STAM: variants seen among roughly 807,000 people sequenced by gnomAD.
STAM encodes signal transducing adapter molecule 1.
Under a neutral mutation model 63.4 loss-of-function variants are expected in STAM, and 16 were observed. The ratio of observed to expected loss-of-function variants is 0.25; its 90% CI spans 0.17 to 0.38. The LOEUF is 0.38. STAM is among the 10% of genes least tolerant of loss of function. The pLI is 1.00. For missense variants in STAM, 636 were observed against 657.1 expected, an observed-to-expected ratio of 0.97 and a Z score of 0.35; for synonymous variants, 238 against 223.9, an observed-to-expected ratio of 1.06 and a Z score of -0.56.
At chr10:17,662,701 TG>T (rs1589037952) in intron 2 of STAM, among the ~76,000 whole-genome samples, 2 of 152,212 alleles carry the variant, frequency 1.3e-5, no homozygotes, top group South Asian at 4.1e-4. Flanking sequence ...CTTATCTTTC[TG>T]GGCCTTACTT....
chr10:17,654,601 AT>A (rs1316822088), intron 1 of STAM, among the ~76,000 whole-genome samples: 1 of 152,108 alleles, frequency 6.6e-6, no homozygotes, highest in Admixed American at 6.6e-5. Context: ...TAGTCTTATC[AT>A]TTTTTTGAGC....
rs541875355 is a variant in STAM at position 17,694,185 on chromosome 10, T to C, written c.536-864T>C. On this transcript the variant is annotated intron_variant, in intron 6 of 13. Transcript: ENST00000377524. ...TGTTGTAATTATTGTAGGTATCTAC[T>C]CCTGGTTTTTGACCTTAAATTTGAT... Among the ~76,000 whole-genome samples, 33 of 152,286 alleles carry C rather than the reference T, an allele frequency of 2.2e-4. 1 individual carries two copies. The South Asian group carries it at 6.4e-3, about 30-fold the overall frequency.
At chr10:17,654,391 T>A (rs1833858965) in intron 1 of STAM, among the ~76,000 whole-genome samples, 1 of 151,796 alleles carries the variant, frequency 6.6e-6, no homozygotes. Flanking sequence ...CCTGGCTAAT[T>A]TTTTGTATTT....
chr10:17,646,700 A>T (rs1450445250), intron 1 of STAM, among the ~76,000 whole-genome samples: 3 of 152,210 alleles, frequency 2.0e-5, no homozygotes, highest in Admixed American at 2.0e-4. Flanking sequence ...AATATTACAA[A>T]AGGTTTATCT....
chr10:17,699,591 A>G (rs965169463), intron 8 of STAM, among the ~76,000 whole-genome samples: 1 of 152,352 alleles, frequency 6.6e-6, no homozygotes, highest in Admixed American at 6.5e-5. Flanking sequence ...ATAATATTAT[A>G]TAACTAGAAA....
rs1334339530 is a variant in STAM at position 17,716,752 on chromosome 10, C to A, written c.*1972C>A. On this transcript the variant is annotated 3_prime_UTR_variant, in exon 14 of 14. Transcript: ENST00000377524. ...TGAATAGAAAAAACTACCCTTATTACAACCCATATACATTTTTCTTTACCT... is the reference window on the plus strand; with the variant it reads ...TGAATAGAAAAAACTACCCTTATTAAAACCCATATACATTTTTCTTTACCT... Among the ~76,000 whole-genome samples the A allele has an allele frequency of 6.6e-6, 1 of 152,208 alleles. No homozygotes were observed. The highest frequency in any genetic ancestry group is 1.5e-5 in the Non-Finnish European group (1 of 68,028).
intron 7 of STAM, 98 bp downstream of exon 7, chr10:17,695,339 A>C: frequency 8.7e-7 from 1 of 1,146,910 alleles, no homozygotes; most frequent in South Asian, 1.6e-5. Flanking sequence ...TACAATAATA[A>C]ATATTGACCC....
Position 17,716,477 on chromosome 10 carries a change from A to G in STAM, c.*1697A>G, listed in dbSNP as rs1438713804. Among the ~76,000 whole-genome samples, 2 of 152,074 alleles carry G rather than the reference A, an allele frequency of 1.3e-5. No homozygotes were observed. The highest frequency in any genetic ancestry group is 1.9e-4 in the East Asian group (1 of 5,176). ...AATATGTTGCCCTGCCCTGAAGTCA[A>G]ATTTCACATTTTAAATACTATAAGT... On this transcript the variant is annotated 3_prime_UTR_variant, in exon 14 of 14. Transcript: ENST00000377524.
At chr10:17,651,211 G>A (rs1833729984) in intron 1 of STAM, among the ~76,000 whole-genome samples, 1 of 151,614 alleles carries the variant, frequency 6.6e-6, no homozygotes, top group South Asian at 2.1e-4. Context: ...TCTTGCAGGT[G>A]TATTTCACTC....
chr10:17,695,280 T>C (rs1835710479), intron 7 of STAM, 39 bp downstream of exon 7: 4 of 1,571,432 alleles, frequency 2.5e-6, no homozygotes, highest in Non-Finnish European at 1.7e-6. Context: ...TATGAAAGTG[T>C]GTATGGCTTC....
chr10:17,649,071 A>G lies in STAM; in HGVS notation c.40+4692A>G, dbSNP rs566290795. Reference sequence around the variant, plus strand: ...CCATTCAGGACTCTGTTCAAACGTCATTTTCTGAGACGCTTTACCTAATAA... The same window carrying G: ...CCATTCAGGACTCTGTTCAAACGTCGTTTTCTGAGACGCTTTACCTAATAA... On this transcript the variant is annotated intron_variant, in intron 1 of 13. Coordinates refer to ENST00000377524, the MANE Select transcript of STAM (RefSeq NM_003473.4). 3.9e-5 allele frequency among the ~76,000 whole-genome samples: 6 copies of G among 152,148 alleles called. No individual in the cohort carries two copies. The South Asian group carries it at 1.2e-3, about 32-fold the overall frequency.
intron 1 of STAM, 115 bp from the exon 2 acceptor site, chr10:17,660,349 A>G (rs554021581): frequency 5.0e-6 from 3 of 603,484 alleles, no homozygotes; most frequent in Admixed American, 6.5e-5. Flanking sequence ...GCTGGCAACT[A>G]TTCTGATTTG....
chr10:17,686,820 T>A (rs1835313868), intron 4 of STAM, among the ~76,000 whole-genome samples: 1 of 152,260 alleles, frequency 6.6e-6, no homozygotes, highest in South Asian at 2.1e-4. Flanking sequence ...TTTTTTCTTC[T>A]AATAGAGTAA....
intron 2 of STAM, among the ~76,000 whole-genome samples, chr10:17,672,798 C>T (rs1554824207): frequency 6.6e-6 from 1 of 152,084 alleles, no homozygotes; most frequent in African/African-American, 2.4e-5. Flanking sequence ...GGAAACTGAC[C>T]TTAAGAATGT....
intron 1 of STAM, among the ~76,000 whole-genome samples, chr10:17,659,127 G>A (rs1554822525): frequency 6.9e-6 from 1 of 145,184 alleles, no homozygotes; most frequent in Non-Finnish European, 1.5e-5. Context: ...TTTTTTTTTA[G>A]TAATTGCCTA....
chr10:17,686,158 C>G (rs1474505735), intron 4 of STAM, among the ~76,000 whole-genome samples: 3 of 152,108 alleles, frequency 2.0e-5, no homozygotes, highest in African/African-American at 7.2e-5. Context: ...TAAACATTGT[C>G]TTTTAATGTC....
intron 1 of STAM, 30 bp from the exon 2 acceptor site, chr10:17,660,433 AT>A (rs782723655): frequency 5.6e-6 from 8 of 1,431,528 alleles, no homozygotes; most frequent in Non-Finnish European, 7.7e-6. Flanking sequence ...TTGAAAAATA[AT>A]GTTTCTGCAA....
intron 2 of STAM, among the ~76,000 whole-genome samples, chr10:17,664,234 T>G (rs1554823179): frequency 6.6e-6 from 1 of 152,094 alleles, no homozygotes; most frequent in Non-Finnish European, 1.5e-5. Flanking sequence ...AACTGTGGGA[T>G]ACTTATGGTG....
intron 2 of STAM, among the ~76,000 whole-genome samples, chr10:17,680,674 T>G (rs1440264338): frequency 6.6e-6 from 1 of 152,190 alleles, no homozygotes; most frequent in Non-Finnish European, 1.5e-5. Context: ...CCCAAAGTGC[T>G]GGAATTATAG....
Sources: gnomAD v4.1 joint callset for allele counts (sites outside exome capture counted in the v4.1 genomes callset) on GRCh38, gnomAD v4.1.1 for gene constraint, MANE v1.5 for transcripts, NCBI Gene and HGNC (gene_info 2026-07-23, HGNC 2026-07-21) for gene names.